SOX6: variants seen among roughly 807,000 people sequenced by gnomAD.
SOX6 encodes the protein SRY-box transcription factor 6.
Under a neutral mutation model 97.8 loss-of-function variants are expected in SOX6, and 11 were observed. The observed-to-expected ratio is 0.11, with a 90% CI of 0.07 to 0.19. The LOEUF is 0.19. Among genes scored for constraint, SOX6 ranks in the 10% least tolerant of loss-of-function variants. The pLI is 1.00. For missense variants in SOX6, 810 were observed against 1,039.5 expected, an observed-to-expected ratio of 0.78 and a Z score of 3.04; for synonymous variants, 360 against 371.4, an observed-to-expected ratio of 0.97 and a Z score of 0.35.
At chr11:16,019,974 G>A (rs999674673) in intron 12 of SOX6, among the ~76,000 whole-genome samples, 10 of 152,208 alleles carry the variant, frequency 6.6e-5, no homozygotes, top group South Asian at 2.1e-4. Flanking sequence ...AAGTCTTGTC[G>A]TTTTCATCCT....
In SOX6 at chr11:15,986,392, C is replaced by T. The variant is rs34438327; in HGVS notation, c.1995G>A (p.Gln665=). The T allele has an allele frequency of 3.1e-4, 499 of 1,614,004 alleles. 3 individuals are homozygous for T. In the African/African-American group the frequency reaches 6.1e-3, roughly 20 times the overall value. Residue 665 remains glutamine, a synonymous_variant, in exon 15 of 16, where the codon CAG becomes CAA. Coordinates refer to ENST00000683767, the MANE Select transcript of SOX6 (RefSeq NM_001367873.1). ...GCTCTTCATAATAAGGTTGCTTCTC[C>T]TGGTTGGACATTGATTTCCAGCGAG... is the stretch of plus-strand genomic sequence containing the variant. ...LGSRWKSMSN[Q]EKQPYYEEQA...
At chr11:16,728,763 G>A (rs1848327022) in intron 2 of SOX6, among the ~76,000 whole-genome samples, 1 of 152,120 alleles carries the variant, frequency 6.6e-6, no homozygotes, top group Non-Finnish European at 1.5e-5. Context: ...GTTTCAGAAG[G>A]TCGGTAATAA....
chr11:16,021,836 A>C (rs1327711027), intron 12 of SOX6, among the ~76,000 whole-genome samples: 1 of 152,036 alleles, frequency 6.6e-6, no homozygotes, highest in Non-Finnish European at 1.5e-5. Flanking sequence ...AATGCCACCC[A>C]CTGATCATCC....
In SOX6 at chr11:16,196,195, G is replaced by T. The variant is rs191669440; in HGVS notation, c.536-9240C>A. On this transcript the variant is annotated intron_variant, in intron 4 of 15. Coordinates refer to ENST00000683767, the MANE Select transcript of SOX6 (RefSeq NM_001367873.1). ...CTATTCCTCACAACAGTCCTATGAA[G>T]TAGGTCATATTGTTACCTCCACTTT... Among the ~76,000 whole-genome samples the T allele has an allele frequency of 2.6e-4, 40 of 152,288 alleles. No individual in the cohort carries two copies. The East Asian group carries it at 2.7e-3, about 10-fold the overall frequency.
chr11:16,642,657 A>G (rs1201361252), intron 3 of SOX6, among the ~76,000 whole-genome samples: 2 of 151,706 alleles, frequency 1.3e-5, no homozygotes, highest in African/African-American at 2.4e-5. Context: ...GCTTCATTTC[A>G]TTCTTTTGAT....
chr11:16,648,296 C>T (rs143126550), intron 3 of SOX6, among the ~76,000 whole-genome samples: 1 of 152,136 alleles, frequency 6.6e-6, no homozygotes, highest in East Asian at 1.9e-4. Context: ...GAACATAACC[C>T]CATTTACCAG....
chr11:16,536,694 C>T (rs1861313779), intron 4 of SOX6, among the ~76,000 whole-genome samples: 1 of 152,226 alleles, frequency 6.6e-6, no homozygotes, highest in Non-Finnish European at 1.5e-5. Flanking sequence ...AAGCCTTGAT[C>T]ACTGCTAGCA....
At chr11:16,522,874 G>C (rs1203193273) in intron 4 of SOX6, among the ~76,000 whole-genome samples, 1 of 152,166 alleles carries the variant, frequency 6.6e-6, no homozygotes, top group Non-Finnish European at 1.5e-5. Flanking sequence ...AAGATCAAAA[G>C]AGACAAAGAA....
intron 1 of SOX6, among the ~76,000 whole-genome samples, chr11:16,460,708 T>C (rs1859906509): frequency 2.0e-5 from 3 of 152,090 alleles, no homozygotes; most frequent in Non-Finnish European, 1.5e-5. Flanking sequence ...CAGGGAGTCA[T>C]AGTCATCACT....
chr11:16,286,121 C>G (rs1022404400), intron 3 of SOX6, among the ~76,000 whole-genome samples: 1 of 152,036 alleles, frequency 6.6e-6, no homozygotes, highest in Non-Finnish European at 1.5e-5. Flanking sequence ...CAGTTGTTGT[C>G]TTATTTCTTG....
chr11:16,203,837 A>G (rs1369450231), intron 4 of SOX6, among the ~76,000 whole-genome samples: 1 of 152,134 alleles, frequency 6.6e-6, no homozygotes, highest in Non-Finnish European at 1.5e-5. Context: ...ATTATAAAGT[A>G]AAAAACCATG....
chr11:16,032,681 G>A (rs1363114315), intron 12 of SOX6, among the ~76,000 whole-genome samples: 2 of 151,830 alleles, frequency 1.3e-5, no homozygotes, highest in African/African-American at 4.8e-5. Flanking sequence ...ACAGCCTCTG[G>A]GTTAACTTTC....
At chr11:16,689,243 T>A (rs1208359935) in intron 3 of SOX6, among the ~76,000 whole-genome samples, 2 of 152,152 alleles carry the variant, frequency 1.3e-5, no homozygotes, top group African/African-American at 4.8e-5. Flanking sequence ...CTAGAAAGAA[T>A]TTTAAAGTAC....
chr11:16,389,092 T>C (rs1182103356), intron 1 of SOX6, among the ~76,000 whole-genome samples: 2 of 152,304 alleles, frequency 1.3e-5, no homozygotes, highest in East Asian at 1.9e-4. Flanking sequence ...TTTTTGTTTT[T>C]GTTTTTAAGA....
At chr11:16,472,041 C>T (rs1860149616) in intron 1 of SOX6, among the ~76,000 whole-genome samples, 1 of 152,174 alleles carries the variant, frequency 6.6e-6, no homozygotes, top group African/African-American at 2.4e-5. Context: ...TAATTTTAGC[C>T]TTTCCCTTTG....
chr11:16,365,514 T>A lies in SOX6; in HGVS notation c.-4-24262A>T, dbSNP rs542398006. On this transcript the variant is annotated intron_variant, in intron 1 of 15. Transcript: ENST00000396356. ...TCTTGATCAACATAGTAAAAAAAAATTAGATGTTAATTAACCAGCATATTA... is the reference window on the plus strand; with the variant it reads ...TCTTGATCAACATAGTAAAAAAAAAATAGATGTTAATTAACCAGCATATTA... Among the ~76,000 whole-genome samples, 16 of 151,952 alleles carry A rather than the reference T, an allele frequency of 1.1e-4. No individual in the cohort carries two copies. The South Asian group carries it at 3.1e-3, about 30-fold the overall frequency.
chr11:16,095,898 T>G, intron 9 of SOX6, 98 bp downstream of exon 9: 2 of 1,317,036 alleles, frequency 1.5e-6, no homozygotes. Flanking sequence ...GTGTTTAGGT[T>G]GAGTGTTTGC....
chr11:16,192,394 C>A lies in SOX6; in HGVS notation c.536-5439G>T, dbSNP rs149685243. Reference sequence around the variant, plus strand: ...GACTTCAGATTTACTGAATTTGATCCATTGAATTCTTTACCAGTTGTACTT... The same window carrying A: ...GACTTCAGATTTACTGAATTTGATCAATTGAATTCTTTACCAGTTGTACTT... On this transcript the variant is annotated intron_variant, in intron 4 of 15. Transcript: ENST00000683767. Among the ~76,000 whole-genome samples, 90 of 151,836 alleles carry A rather than the reference C, an allele frequency of 5.9e-4. No individual in the cohort carries two copies. The East Asian group carries it at 0.017, about 29-fold the overall frequency.
intron 4 of SOX6, among the ~76,000 whole-genome samples, chr11:16,588,533 A>G (rs1157774967): frequency 6.6e-6 from 1 of 152,164 alleles, no homozygotes; most frequent in African/African-American, 2.4e-5. Context: ...TCTAAATCCA[A>G]GGAAGGCTGG....
Sources: gnomAD v4.1 joint callset for allele counts (sites outside exome capture counted in the v4.1 genomes callset) on GRCh38, gnomAD v4.1.1 for gene constraint, MANE v1.5 for transcripts, NCBI Gene and HGNC (gene_info 2026-07-23, HGNC 2026-07-21) for gene names.